DNER: variants seen among roughly 807,000 people sequenced by gnomAD.
DNER encodes delta and Notch-like epidermal growth factor-related receptor.
In DNER, 33 loss-of-function variants were observed where a neutral mutation model predicts 78.2. The observed-to-expected ratio is 0.42, with a 90% CI of 0.32 to 0.56. The LOEUF (loss-of-function observed/expected upper bound fraction) is 0.56, where lower values mean the gene tolerates loss of function less well. DNER is among the 20% of genes least tolerant of loss of function. The probability of loss-of-function intolerance (pLI) is 0.11; values close to 1 mark genes in which losing one functional copy is unlikely to be tolerated. For synonymous variants in DNER, 417 were observed against 384.8 expected (o/e 1.08, Z -0.98); for missense variants, 918 against 975.3 (o/e 0.94, Z 0.78).
chr2:229,407,292 C>T lies in DNER; in HGVS notation c.1663G>A (p.Gly555Arg), dbSNP rs1360082276. 5.0e-6 allele frequency: 8 copies of T among 1,613,814 alleles called. No individual in the cohort carries two copies. Among genetic ancestry groups the T allele is most frequent in the Non-Finnish European group, 6.8e-6 (8 of 1,179,838 alleles). ...AGGCCGTCGCTGTCACAGGTGGCTC[C>T]GTTCAGACAGCTGACGTTAGCGCAG... Reference protein sequence around the residue: ...DPCANVSCLNGATCDSDGLNG... With the variant: ...DPCANVSCLNRATCDSDGLNG... The change falls in exon 10 of 13, where the codon GGA becomes AGA. Residue 555 changes from glycine (G) to arginine (R), a missense_variant. Coordinates refer to ENST00000341772, the MANE Select transcript of DNER (RefSeq NM_139072.4).
intron 1 of DNER, among the ~76,000 whole-genome samples, chr2:229,669,708 T>G (rs141774515): frequency 0.011 from 1,693 of 152,278 alleles, 35 homozygotes; most frequent in African/African-American, 0.039. Context: ...GATTTGGCTC[T>G]CTGTCTATTA....
intron 1 of DNER, among the ~76,000 whole-genome samples, chr2:229,623,240 A>G (rs919136135): frequency 4.6e-5 from 7 of 151,828 alleles, no homozygotes; most frequent in Non-Finnish European, 8.8e-5. Context: ...TCCTTACCTA[A>G]GCCCGGGCTG....
intron 1 of DNER, among the ~76,000 whole-genome samples, chr2:229,608,153 A>G (rs1697976099): frequency 6.6e-6 from 1 of 152,200 alleles, no homozygotes; most frequent in South Asian, 2.1e-4. Flanking sequence ...TACACACACA[A>G]TGAATTCCAG....
Position 229,651,341 on chromosome 2 carries a change from G to A in DNER, c.277-59453C>T, listed in dbSNP as rs532372204. 1.2e-4 allele frequency among the ~76,000 whole-genome samples: 19 copies of A among 152,336 alleles called. No homozygotes were observed. The South Asian group carries it at 3.9e-3, about 32-fold the overall frequency. On this transcript the variant is annotated intron_variant, in intron 1 of 12. Transcript: ENST00000341772. The stretch of plus-strand genomic sequence containing the variant: ...TAAACACACTTATAGATGACTGGTG[G>A]ACAGATATGGTAGACAGGAGGAAAG...
At chr2:229,370,708 C>T (rs560652380) in intron 11 of DNER, among the ~76,000 whole-genome samples, 1 of 152,320 alleles carries the variant, frequency 6.6e-6, no homozygotes, top group African/African-American at 2.4e-5. Context: ...GTCCAACACT[C>T]AGCAGAGTAT....
At chr2:229,441,625 T>A (rs151217212) in intron 8 of DNER, among the ~76,000 whole-genome samples, 4 of 152,222 alleles carry the variant, frequency 2.6e-5, no homozygotes, top group African/African-American at 9.6e-5. Context: ...GAGGAAGCTG[T>A]CACTCTACAT....
intron 8 of DNER, 138 bp downstream of exon 8, chr2:229,447,178 T>C (rs1694358432): frequency 1.2e-6 from 1 of 809,454 alleles, no homozygotes; most frequent in South Asian, 2.0e-5. Context: ...TCAGTAAGTA[T>C]ACTTACTTAC....
At chr2:229,673,780 TG>T (rs1699251211) in intron 1 of DNER, among the ~76,000 whole-genome samples, 1 of 152,170 alleles carries the variant, frequency 6.6e-6, no homozygotes, top group Non-Finnish European at 1.5e-5. Flanking sequence ...CAGACTGAAC[TG>T]GTTTCATTTG....
intron 4 of DNER, among the ~76,000 whole-genome samples, chr2:229,568,353 T>C (rs1038501774): frequency 1.3e-5 from 2 of 152,192 alleles, no homozygotes; most frequent in Non-Finnish European, 2.9e-5. Context: ...GCCCAGCTTC[T>C]AGTTTCCATT....
chr2:229,586,503 T>A (rs1261546285), intron 3 of DNER, among the ~76,000 whole-genome samples: 1 of 28,504 alleles, frequency 3.5e-5, no homozygotes, highest in Non-Finnish European at 6.2e-5. Flanking sequence ...CTGGCTCATT[T>A]TTGGTAAAAA....
chr2:229,680,886 A>G (rs767128997), intron 1 of DNER, among the ~76,000 whole-genome samples: 46 of 152,194 alleles, frequency 3.0e-4, no homozygotes, highest in Admixed American at 1.2e-3. Flanking sequence ...TTTAAGTCCT[A>G]CTATGTTCTA....
At chr2:229,392,780 C>T (rs537174717) in intron 10 of DNER, among the ~76,000 whole-genome samples, 2 of 152,026 alleles carry the variant, frequency 1.3e-5, no homozygotes, top group Non-Finnish European at 2.9e-5. Context: ...TACAACAAAC[C>T]TTGAAAGGAT....
chr2:229,409,002 T>C (rs979506460), intron 9 of DNER, among the ~76,000 whole-genome samples: 13 of 152,192 alleles, frequency 8.5e-5, no homozygotes, highest in Non-Finnish European at 1.6e-4. Flanking sequence ...TAGTTTCCTC[T>C]GTCTCCAGGG....
chr2:229,368,706 T>C (rs747535833), intron 11 of DNER, among the ~76,000 whole-genome samples: 1 of 152,200 alleles, frequency 6.6e-6, no homozygotes, highest in Non-Finnish European at 1.5e-5. Flanking sequence ...ATTTAATCAT[T>C]ATAACCACCA....
intron 5 of DNER, among the ~76,000 whole-genome samples, chr2:229,544,799 G>A (rs973613474): frequency 3.3e-5 from 5 of 152,164 alleles, no homozygotes; most frequent in African/African-American, 1.2e-4. Flanking sequence ...CTCCCAAAGT[G>A]CTGGGATTAC....
chr2:229,470,109 G>A (rs1694892746), intron 7 of DNER, among the ~76,000 whole-genome samples: 1 of 152,184 alleles, frequency 6.6e-6, no homozygotes, highest in Non-Finnish European at 1.5e-5. Flanking sequence ...CAAGACCTAT[G>A]CCTGAAGTTT....
intron 1 of DNER, among the ~76,000 whole-genome samples, chr2:229,594,075 G>A (rs148308304): frequency 1.3e-5 from 2 of 152,284 alleles, no homozygotes; most frequent in South Asian, 4.1e-4. Flanking sequence ...AGAGGCAGAG[G>A]CCTCCTCAAA....
chr2:229,643,372 G>A (rs1260762460), intron 1 of DNER, among the ~76,000 whole-genome samples: 1 of 152,200 alleles, frequency 6.6e-6, no homozygotes, highest in Non-Finnish European at 1.5e-5. Context: ...AATCAAAGGA[G>A]ATGTTTGTGA....
rs770803047 is a variant in DNER at position 229,591,616 on chromosome 2, C to A, written c.549G>T (p.Gly183=). Residue 183 remains glycine, a synonymous_variant, in exon 2 of 13, where the codon GGG becomes GGT. Coordinates refer to ENST00000341772, the MANE Select transcript of DNER (RefSeq NM_139072.4). This position sits in a 1 kb window ranked among gnomAD's most constrained non-coding sequence, Gnocchi z 4.6. The stretch of plus-strand genomic sequence containing the variant: ...CCCATTTCATTTCTACAACTTTCTG[C>A]CCTGTTTTCGGCTGCCAGGTAGGCA... The part of the protein sequence containing the change: ...VTLPTWQPKT[G]QKVVEMKWDQ... 3 of 1,614,114 alleles carry A rather than the reference C, an allele frequency of 1.9e-6. No homozygotes were observed. Among genetic ancestry groups the A allele is most frequent in the Non-Finnish European group, 2.5e-6 (3 of 1,180,000 alleles).
Sources: gnomAD v4.1 joint callset for allele counts (sites outside exome capture counted in the v4.1 genomes callset) on GRCh38, gnomAD v4.1.1 for gene constraint, Gnocchi (gnomAD v3.1) non-coding constraint, MANE v1.5 for transcripts, NCBI Gene and HGNC (gene_info 2026-07-23, HGNC 2026-07-21) for gene names.